The following TMEM255B variants were observed in gnomAD, a reference collection of about 807,000 sequenced individuals.
TMEM255B encodes the protein transmembrane protein 255B.
In TMEM255B, 35 loss-of-function variants were observed where a neutral mutation model predicts 34.5. The observed-to-expected ratio is 1.01, with a 90% CI of 0.77 to 1.34. The LOEUF (loss-of-function observed/expected upper bound fraction) is 1.34, where lower values mean the gene tolerates loss of function less well. Among genes scored for constraint, TMEM255B ranks in the 40% most tolerant of loss-of-function variants. The pLI is 0.00. For synonymous variants in TMEM255B, 206 were observed against 201.2 expected (o/e 1.02, Z -0.20); for missense variants, 432 against 433.2 (o/e 1.00, Z 0.02).
chr13:113,790,033 A>C (rs1048526268), intron 3 of TMEM255B, among the ~76,000 whole-genome samples: 1 of 151,412 alleles, frequency 6.6e-6, no homozygotes, highest in African/African-American at 2.4e-5. Context: ...TGAACATCCT[A>C]GCGCTGGACT....
At chr13:113,796,340 C>T (rs2050935678) in intron 4 of TMEM255B, among the ~76,000 whole-genome samples, 1 of 145,156 alleles carries the variant, frequency 6.9e-6, no homozygotes, top group Admixed American at 6.8e-5. Context: ...GAGCACATAC[C>T]ACACAGAGTA....
chr13:113,776,393 C>T (rs1050173477), intron 3 of TMEM255B, among the ~76,000 whole-genome samples: 2 of 152,206 alleles, frequency 1.3e-5, no homozygotes, highest in East Asian at 1.9e-4. Flanking sequence ...GCTGACTCGG[C>T]GGCTCTGGTT....
chr13:113,805,869 A>C (rs1426938911), intron 8 of TMEM255B, among the ~76,000 whole-genome samples: 2 of 152,196 alleles, frequency 1.3e-5, no homozygotes, highest in African/African-American at 2.4e-5. Context: ...CACTGCCCAC[A>C]TGCCCGGCTG....
intron 4 of TMEM255B, among the ~76,000 whole-genome samples, chr13:113,795,630 A>C (rs1382206742): frequency 4.4e-5 from 6 of 135,902 alleles, no homozygotes; most frequent in South Asian, 5.0e-4. Context: ...ACACCACACA[A>C]CACACAGAGC....
At chr13:113,802,864 C>T (rs1285261174) in intron 7 of TMEM255B, among the ~76,000 whole-genome samples, 2 of 148,250 alleles carry the variant, frequency 1.3e-5, no homozygotes, top group African/African-American at 2.5e-5. Context: ...AAGACAGGCA[C>T]CTCCCAGGGG....
chr13:113,796,362 CCACA>C (rs1317260762), intron 4 of TMEM255B, among the ~76,000 whole-genome samples: 1 of 145,576 alleles, frequency 6.9e-6, no homozygotes, highest in Non-Finnish European at 1.5e-5. Context: ...ACACCTCACA[CCACA>C]CAGAGTACAC....
chr13:113,784,779 G>T (rs79840964), intron 3 of TMEM255B, among the ~76,000 whole-genome samples: 4,301 of 151,866 alleles, frequency 0.028, 93 homozygotes, highest in Middle Eastern at 0.044. Context: ...GTGGCTAGAG[G>T]CCCTCAGGAT....
At chr13:113,759,807 G>A (rs1021246447) in intron 1 of TMEM255B, among the ~76,000 whole-genome samples, 7 of 152,222 alleles carry the variant, frequency 4.6e-5, no homozygotes, top group African/African-American at 1.7e-4. Flanking sequence ...ACTGGACAGT[G>A]TTGCTTGGTT....
At chr13:113,783,399 C>T (rs998746331) in intron 3 of TMEM255B, among the ~76,000 whole-genome samples, 6 of 152,192 alleles carry the variant, frequency 3.9e-5, no homozygotes, top group Admixed American at 1.3e-4. Flanking sequence ...TTATCTGCGT[C>T]GGCCTCAGCT....
chr13:113,772,138 A>G (rs1344567660), intron 3 of TMEM255B, among the ~76,000 whole-genome samples: 1 of 152,142 alleles, frequency 6.6e-6, no homozygotes, highest in Non-Finnish European at 1.5e-5. Context: ...CCGTTTGCAT[A>G]TGTTCTTGGA....
rs1566341995 is a variant in TMEM255B at position 113,812,941 on chromosome 13, A to ACAGGCCC, written c.*1039_*1040insAGGCCCC. ...GTGAGTCACGGGTCCCGGGTGGGTC[A>ACAGGCCC]CGGGTCCCGGGTGGGTCACGGGCCC... On this transcript the variant is annotated 3_prime_UTR_variant, in exon 9 of 9. Coordinates refer to ENST00000375353, the MANE Select transcript of TMEM255B (RefSeq NM_182614.4). 2.9e-5 allele frequency: 4 copies of ACAGGCCC among 138,928 alleles called. No homozygotes were observed. The highest frequency in any genetic ancestry group is 4.0e-4 in the South Asian group (2 of 5,022). The allele number at this position is 138,928 out of a possible 1,614,324, so 8.6% of individuals were successfully genotyped here.
intron 3 of TMEM255B, among the ~76,000 whole-genome samples, chr13:113,783,820 G>C (rs1294016501): frequency 6.6e-6 from 1 of 152,068 alleles, no homozygotes; most frequent in Non-Finnish European, 1.5e-5. Context: ...GAGTACAGAG[G>C]GGGTTCATCT....
Position 113,816,227 on chromosome 13 carries a change from C to G in TMEM255B, c.*4324C>G, listed in dbSNP as rs1245772297. The G allele has an allele frequency of 6.7e-6, 1 of 148,536 alleles. No homozygotes were observed. The highest frequency in any genetic ancestry group is 3.2e-5 in the African/African-American group (1 of 30,988). 9.2% of individuals were successfully genotyped at this position (148,536 alleles called of 1,614,324 possible). A position where few individuals can be genotyped will look rare whatever the true frequency, so the allele number is the denominator to read the frequency against. On this transcript the variant is annotated 3_prime_UTR_variant, in exon 9 of 9. Coordinates refer to ENST00000375353, the MANE Select transcript of TMEM255B (RefSeq NM_182614.4). ...TTCTGGATGGGGAGAGGTGCAGTCA[C>G]TGGTCAGGGATACGAGTTCTTTTCG...
chr13:113,789,925 C>A (rs997224584), intron 3 of TMEM255B, among the ~76,000 whole-genome samples: 1 of 152,070 alleles, frequency 6.6e-6, no homozygotes, highest in East Asian at 1.9e-4. Context: ...TGAACAGGCA[C>A]GTGGACATCC....
chr13:113,769,212 G>T lies in TMEM255B; in HGVS notation c.252+52G>T. 1 of 1,592,838 alleles carries T rather than the reference G, an allele frequency of 6.3e-7. No individual in the cohort carries two copies. The highest frequency in any genetic ancestry group is 8.6e-7 in the Non-Finnish European group (1 of 1,160,884). On this transcript the variant is annotated intron_variant, in intron 3 of 8. Transcript: ENST00000375353. The surrounding 1 kb of genome is among the most constrained non-coding windows in gnomAD (Gnocchi z 4.2). ...AGCATGAGTCCCTCATCAGGGGATG[G>T]TACAGCTGCACTGGGGCTCTGAGAA... is the stretch of plus-strand genomic sequence containing the variant.
At chr13:113,798,419 A>C (rs2050980006) in intron 4 of TMEM255B, among the ~76,000 whole-genome samples, 1 of 148,632 alleles carries the variant, frequency 6.7e-6, no homozygotes, top group Non-Finnish European at 1.5e-5. Context: ...GATGGATGAC[A>C]GATGAATGGA....
chr13:113,799,540 C>A, intron 5 of TMEM255B, 121 bp downstream of exon 5: 1 of 909,204 alleles, frequency 1.1e-6, no homozygotes, highest in Non-Finnish European at 1.7e-6. Flanking sequence ...CTGGGGGTCA[C>A]CCCTGCAGCT....
In TMEM255B at chr13:113,801,853, C is replaced by T. The variant is rs369529010; in HGVS notation, c.669+41C>T. The T allele has an allele frequency of 9.6e-5, 146 of 1,522,598 alleles. 1 individual carries two copies. Among genetic ancestry groups the T allele is most frequent in the African/African-American group, 8.8e-4 (64 of 72,342 alleles). The allele number at this position is 1,522,598 out of a possible 1,614,324, so 94.3% of individuals were successfully genotyped here. Reference sequence around the variant, plus strand: ...GGGACCCCCGCTGCTCACTGGGAGCCGGGGCTCCGGGTCCATTTCCCCGGG... The same window carrying T: ...GGGACCCCCGCTGCTCACTGGGAGCTGGGGCTCCGGGTCCATTTCCCCGGG... On this transcript the variant is annotated intron_variant, in intron 7 of 8. Transcript: ENST00000375353.
intron 3 of TMEM255B, among the ~76,000 whole-genome samples, chr13:113,787,651 G>GAAATTGTAC (rs2050766571): frequency 6.6e-6 from 1 of 152,096 alleles, no homozygotes; most frequent in African/African-American, 2.4e-5. Flanking sequence ...TTAATGAGCT[G>GAAATTGTAC]AAATTGTACA....
Sources: gnomAD v4.1 joint callset for allele counts (sites outside exome capture counted in the v4.1 genomes callset) on GRCh38, gnomAD v4.1.1 for gene constraint, Gnocchi (gnomAD v3.1) non-coding constraint, MANE v1.5 for transcripts, NCBI Gene and HGNC (gene_info 2026-07-23, HGNC 2026-07-21) for gene names.